The following SPATA18 variants were observed in gnomAD, a reference collection of about 807,000 sequenced individuals.
SPATA18 encodes the protein mitochondria-eating protein.
Under a neutral mutation model 68.1 loss-of-function variants are expected in SPATA18, and 54 were observed. The observed-to-expected ratio is 0.79, with a 90% CI of 0.64 to 0.99. The LOEUF (loss-of-function observed/expected upper bound fraction) is 0.99. Among genes scored for constraint, SPATA18 ranks in the 50% least tolerant of loss-of-function variants. The pLI, the probability that SPATA18 is intolerant of heterozygous loss-of-function variation, is 0.00. For synonymous variants in SPATA18, 242 were observed against 244.8 expected, an observed-to-expected ratio of 0.99 and a Z score of 0.11; for missense variants, 724 against 681.1, an observed-to-expected ratio of 1.06 and a Z score of -0.70.
At chr4:52,076,669 A>G (rs1038566362) in intron 6 of SPATA18, 110 bp from the exon 7 acceptor site, 5 of 1,418,838 alleles carry the variant, frequency 3.5e-6, no homozygotes, top group African/African-American at 1.4e-5. Context: ...AATTCCTCAG[A>G]TAAGGAGTTT....
At chr4:52,089,397 T>C (rs1333927773) in intron 11 of SPATA18, among the ~76,000 whole-genome samples, 1 of 152,250 alleles carries the variant, frequency 6.6e-6, no homozygotes, top group Non-Finnish European at 1.5e-5. Context: ...TTTTAGATCT[T>C]TCCTGCTTTG....
chr4:52,086,939 CT>C (rs1741487119), intron 11 of SPATA18, among the ~76,000 whole-genome samples: 1 of 152,144 alleles, frequency 6.6e-6, no homozygotes, highest in African/African-American at 2.4e-5. Flanking sequence ...TGTTTCCTGA[CT>C]TTTTAATGAT....
At chr4:52,068,799 A>G (rs1274375644) in intron 4 of SPATA18, among the ~76,000 whole-genome samples, 2 of 152,172 alleles carry the variant, frequency 1.3e-5, no homozygotes, top group African/African-American at 4.8e-5. Context: ...TTGTCAACTC[A>G]AGTCTCACTG....
At chr4:52,064,903 G>A (rs1337364099) in intron 4 of SPATA18, among the ~76,000 whole-genome samples, 1 of 152,176 alleles carries the variant, frequency 6.6e-6, no homozygotes, top group Non-Finnish European at 1.5e-5. Context: ...GCATAAAAGT[G>A]TTCCCTTTTC....
intron 10 of SPATA18, chr4:52,082,743 T>C (rs904492854): frequency 5.3e-5 from 72 of 1,357,120 alleles, no homozygotes; most frequent in Non-Finnish European, 6.6e-5. Flanking sequence ...ATTTAGGAGA[T>C]GGAATCAGTC....
rs768709860 is a variant in SPATA18, at chr4:52,094,914, A to G, written c.*27A>G. ...AGCACCAGACCTGCTCCTTTGACCC[A>G]GTGCGTGGAAACAGCTGCTTTCTCC... On this transcript the variant is annotated 3_prime_UTR_variant, in exon 13 of 13. Transcript: ENST00000295213. The G allele has an allele frequency of 8.7e-6, 14 of 1,613,912 alleles. No homozygotes were observed. The highest frequency in any genetic ancestry group is 1.7e-5 in the Admixed American group (1 of 59,994).
chr4:52,093,727 G>A (rs929631221), intron 11 of SPATA18, among the ~76,000 whole-genome samples: 1 of 152,068 alleles, frequency 6.6e-6, no homozygotes, highest in African/African-American at 2.4e-5. Context: ...CTTATTCATG[G>A]GCAATGTCCT....
intron 11 of SPATA18, among the ~76,000 whole-genome samples, chr4:52,085,835 G>A (rs1255890536): frequency 1.3e-5 from 2 of 152,118 alleles, no homozygotes; most frequent in African/African-American, 2.4e-5. Context: ...TCTGAGCCCA[G>A]GGAGGTCGAG....
intron 4 of SPATA18, among the ~76,000 whole-genome samples, chr4:52,067,347 TG>T (rs1411021827): frequency 3.3e-5 from 5 of 152,184 alleles, no homozygotes; most frequent in Non-Finnish European, 7.3e-5. Context: ...TTGATGGGGT[TG>T]TTTGTTTTTT....
At chr4:52,076,359 C>T (rs1005698871) in intron 6 of SPATA18, among the ~76,000 whole-genome samples, 6 of 152,082 alleles carry the variant, frequency 3.9e-5, no homozygotes, top group Admixed American at 3.9e-4. Context: ...AAGACCTGAA[C>T]ATATGGGATA....
In SPATA18 at chr4:52,051,748, G is replaced by T; in HGVS notation, c.44G>T (p.Arg15Leu). 1.2e-6 allele frequency: 2 copies of T among 1,614,216 alleles called. No individual in the cohort carries two copies. Among genetic ancestry groups the T allele is most frequent in the Non-Finnish European group, 1.7e-6 (2 of 1,180,042 alleles). ...LKRLVSNETL[R>L]TLQEKLDFWL... The stretch of plus-strand genomic sequence containing the variant: ...AGACTGGTCTCAAACGAAACTTTAC[G>T]AACGTTGCAGGAAAAGCTAGACTTC... Residue 15 changes from arginine (R) to leucine (L), a missense_variant, in exon 1 of 13, where the codon CGA becomes CTA. By Grantham distance (102) the Arg-to-Leu change is moderately radical. Coordinates refer to ENST00000295213, the MANE Select transcript of SPATA18 (RefSeq NM_145263.4).
intron 9 of SPATA18, 52 bp from the exon 10 acceptor site, chr4:52,082,335 T>C (rs1169521750): frequency 6.5e-7 from 1 of 1,531,962 alleles, no homozygotes; most frequent in African/African-American, 1.4e-5. Flanking sequence ...TTCCCCTAGA[T>C]ATGCTCCATA....
intron 11 of SPATA18, among the ~76,000 whole-genome samples, chr4:52,088,321 G>T (rs1741614817): frequency 6.6e-6 from 1 of 152,110 alleles, no homozygotes; most frequent in African/African-American, 2.4e-5. Context: ...GAATAGGAGT[G>T]GTGAGAGAAG....
At chr4:52,057,370 C>A (rs907935457) in intron 1 of SPATA18, among the ~76,000 whole-genome samples, 9 of 152,060 alleles carry the variant, frequency 5.9e-5, no homozygotes, top group Non-Finnish European at 1.3e-4. Flanking sequence ...AATAATGTGA[C>A]CCTATTGCAA....
At chr4:52,094,448 GA>G (rs368034188) in intron 11 of SPATA18, 78 bp from the exon 12 acceptor site, 197 of 1,470,672 alleles carry the variant, frequency 1.3e-4, no homozygotes, top group African/African-American at 3.6e-4. Flanking sequence ...TGGTTTTAGG[GA>G]AAAAAAATAT....
chr4:52,071,947 C>T lies in SPATA18; in HGVS notation c.549C>T (p.Ala183=), dbSNP rs1203988085. ...QLKSLQAQED[A]RHRNTDQRSS... ...AATCTCTTCAAGCTCAGGAGGATGC[C>T]CGCCACAGAAACACAGATCAGAGGA... Residue 183 remains alanine (A), a synonymous_variant, in exon 6 of 13, where the codon GCC becomes GCT. Transcript: ENST00000295213. The T allele has an allele frequency of 1.2e-6, 2 of 1,613,754 alleles. No individual in the cohort carries two copies. Among genetic ancestry groups the T allele is most frequent in the Non-Finnish European group, 1.7e-6 (2 of 1,180,018 alleles).
chr4:52,085,113 C>A, intron 11 of SPATA18, 114 bp downstream of exon 11: 1 of 730,880 alleles, frequency 1.4e-6, no homozygotes, highest in Non-Finnish European at 2.3e-6. Context: ...GAAAGAGAAC[C>A]TGTTGCAATA....
In SPATA18 at chr4:52,072,152, G is replaced by C. The variant is rs758867801; in HGVS notation, c.754G>C (p.Gly252Arg). 2 of 1,613,842 alleles carry C rather than the reference G, an allele frequency of 1.2e-6. No individual in the cohort carries two copies. The highest frequency in any genetic ancestry group is 3.3e-5 in the Admixed American group (2 of 59,970). The change falls in exon 6 of 13, where the codon GGA becomes CGA. Residue 252 changes from glycine to arginine, a missense_variant. Transcript: ENST00000295213. ...GTCTGCTGAGAAAAGTGCACTCCAAGGAAGGTCAGACAAACTCTCAAAGAT... is the reference window on the plus strand; with the variant it reads ...GTCTGCTGAGAAAAGTGCACTCCAACGAAGGTCAGACAAACTCTCAAAGAT... ...VLSAEKSALQ[G>R]RSSRSRSPSP...
At chr4:52,070,404 T>C (rs1739703203) in intron 5 of SPATA18, among the ~76,000 whole-genome samples, 1 of 152,140 alleles carries the variant, frequency 6.6e-6, no homozygotes, top group Non-Finnish European at 1.5e-5. Context: ...ATTGGGATAA[T>C]TTTTGTGGAA....
Sources: allele counts gnomAD v4.1 joint callset (sites outside exome capture counted in the v4.1 genomes callset), GRCh38; gene constraint gnomAD v4.1.1; transcripts MANE v1.5; gene names NCBI Gene and HGNC (gene_info 2026-07-23, HGNC 2026-07-21).